LMO7: variants seen among roughly 807,000 people sequenced by gnomAD.
LMO7 encodes LIM domain only protein 7.
Under a neutral mutation model 206.5 loss-of-function variants are expected in LMO7, and 120 were observed. The observed-to-expected ratio is 0.58, with a 90% CI of 0.50 to 0.68. The LOEUF is 0.68. Ranked by LOEUF, LMO7 falls within the 30% of genes least tolerant of loss-of-function variation. LMO7 has a pLI of 0.00. For synonymous variants in LMO7, 706 were observed against 681.5 expected, an observed-to-expected ratio of 1.04 and a Z score of -0.56; for missense variants, 1,959 against 1,957.9, an observed-to-expected ratio of 1.00 and a Z score of -0.01.
In LMO7 at chr13:75,649,016, G is replaced by A. The variant is rs973229793; in HGVS notation, c.69+12290G>A. Among the ~76,000 whole-genome samples the A allele has an allele frequency of 3.3e-5, 5 of 152,178 alleles. No individual in the cohort carries two copies. The South Asian group carries it at 6.2e-4, about 19-fold the overall frequency. ...TTGACCTGAATCAGAAAGTTGATGC[G>A]TGGGAGGTAACATGGAAGTCTTTCA... On this transcript the variant is annotated intron_variant, in intron 1 of 30. Transcript: ENST00000377534.
chr13:75,837,441 T>C (rs2059219484), intron 19 of LMO7, among the ~76,000 whole-genome samples: 1 of 152,156 alleles, frequency 6.6e-6, no homozygotes. Flanking sequence ...GGCCCTGTCA[T>C]TGGAAGGTTT....
chr13:75,632,861 A>ATTTTTTTTTTTTTTTTTTTTTTT (rs1339104269), upstream of LMO7, among the ~76,000 whole-genome samples: 2 of 30,542 alleles, frequency 6.5e-5, no homozygotes, highest in African/African-American at 8.6e-5. Flanking sequence ...ATTACTTAAA[A>ATTTTTTTTTTTTTTTTTTTTTTT]GTTTTTTTTT....
chr13:75,662,914 C>T (rs536568036), intron 1 of LMO7, among the ~76,000 whole-genome samples: 1 of 152,218 alleles, frequency 6.6e-6, no homozygotes, highest in South Asian at 2.1e-4. Flanking sequence ...TGTGTGTTTT[C>T]ATCTGATTCT....
At chr13:75,833,210 A>G (rs376666376) in intron 16 of LMO7, 45 bp downstream of exon 16, 82 of 1,125,230 alleles carry the variant, frequency 7.3e-5, no homozygotes, top group Non-Finnish European at 9.7e-5. Context: ...CTCCTTTTCT[A>G]TCCTTCATTG....
chr13:75,822,238 A>G (rs987950349), intron 14 of LMO7, among the ~76,000 whole-genome samples: 6 of 152,184 alleles, frequency 3.9e-5, no homozygotes, highest in Admixed American at 2.6e-4. Context: ...TTAATGTTCA[A>G]ATTCTTTTTA....
chr13:75,691,808 C>T (rs924101032), intron 1 of LMO7, among the ~76,000 whole-genome samples: 1 of 152,062 alleles, frequency 6.6e-6, no homozygotes, highest in Admixed American at 6.6e-5. Flanking sequence ...ACTGACCCCC[C>T]ATTCACCCCT....
intron 4 of LMO7, among the ~76,000 whole-genome samples, chr13:75,788,101 C>A (rs1439403604): frequency 2.0e-5 from 3 of 152,054 alleles, no homozygotes; most frequent in Non-Finnish European, 2.9e-5. Context: ...GAGCAATAGC[C>A]CCTTCCCTTA....
intron 2 of LMO7, among the ~76,000 whole-genome samples, chr13:75,725,086 T>C (rs2044351448): frequency 6.6e-6 from 1 of 152,166 alleles, no homozygotes; most frequent in Admixed American, 6.6e-5. Flanking sequence ...TACCTGTATC[T>C]CTTACTTCCC....
intron 25 of LMO7, among the ~76,000 whole-genome samples, chr13:75,843,119 ATGGTCAGCATGTTAGGCTGATC>A (rs1267319415): frequency 6.6e-6 from 1 of 152,190 alleles, no homozygotes; most frequent in Non-Finnish European, 1.5e-5. Context: ...TTATGATTTT[ATGGTCAGCATGTTAGGCTGATC>A]TCCCTTGGGC....
At chr13:75,656,703 G>A (rs1194318465) in intron 1 of LMO7, among the ~76,000 whole-genome samples, 2 of 152,144 alleles carry the variant, frequency 1.3e-5, no homozygotes, top group South Asian at 2.1e-4. Context: ...TGGATGTGGA[G>A]TGTGTGGCTC....
intron 19 of LMO7, among the ~76,000 whole-genome samples, chr13:75,837,366 G>A (rs570966002): frequency 7.2e-5 from 11 of 152,230 alleles, no homozygotes; most frequent in African/African-American, 9.6e-5. Context: ...GTCCTATTCC[G>A]CAGTGACTCA....
At chr13:75,803,448 A>C (rs1220175285) in intron 7 of LMO7, among the ~76,000 whole-genome samples, 1 of 152,204 alleles carries the variant, frequency 6.6e-6, no homozygotes, top group Non-Finnish European at 1.5e-5. Context: ...AGGCAGGAAG[A>C]GAAGGGTGTG....
intron 4 of LMO7, among the ~76,000 whole-genome samples, chr13:75,794,741 C>G (rs976910010): frequency 5.3e-5 from 8 of 152,140 alleles, no homozygotes; most frequent in African/African-American, 9.7e-5. Flanking sequence ...TGCCATCTGC[C>G]TCTTTTTAAC....
At chr13:75,715,567 G>C (rs550938488) in intron 2 of LMO7, among the ~76,000 whole-genome samples, 50 of 152,238 alleles carry the variant, frequency 3.3e-4, no homozygotes, top group African/African-American at 1.2e-3. Context: ...TGAAGCCATG[G>C]TAATCAGCAA....
At chr13:75,817,060 A>G in intron 11 of LMO7, 101 bp from the exon 12 acceptor site, 1 of 757,692 alleles carries the variant, frequency 1.3e-6, no homozygotes, top group Non-Finnish European at 2.3e-6. Context: ...GCGTCTAGGT[A>G]GAAATTTAGG....
intron 28 of LMO7, 34 bp downstream of exon 28, chr13:75,853,422 G>C: frequency 6.6e-7 from 1 of 1,512,004 alleles, no homozygotes; most frequent in Non-Finnish European, 8.9e-7. Flanking sequence ...TCTTCTCTTA[G>C]TCTTGGGTAT....
At chr13:75,735,339 T>C (rs1281772323) in intron 3 of LMO7, among the ~76,000 whole-genome samples, 1 of 151,874 alleles carries the variant, frequency 6.6e-6, no homozygotes, top group African/African-American at 2.4e-5. Flanking sequence ...ACACCTAAGA[T>C]TGGTGGGTTC....
intron 3 of LMO7, among the ~76,000 whole-genome samples, chr13:75,747,400 C>T (rs759248357): frequency 8.5e-5 from 13 of 152,168 alleles, no homozygotes; most frequent in Non-Finnish European, 1.9e-4. Context: ...CACATGATCT[C>T]AGCTGATGGC....
chr13:75,668,074 G>C (rs1263860124), intron 1 of LMO7, among the ~76,000 whole-genome samples: 1 of 152,108 alleles, frequency 6.6e-6, no homozygotes, highest in Non-Finnish European at 1.5e-5. Flanking sequence ...TGGGCGTGGT[G>C]GTGCACGCCT....
Sources: allele counts gnomAD v4.1 joint callset (sites outside exome capture counted in the v4.1 genomes callset), GRCh38; gene constraint gnomAD v4.1.1; transcripts MANE v1.5; gene names NCBI Gene and HGNC (gene_info 2026-07-23, HGNC 2026-07-21).